FLT3: variants seen among roughly 807,000 people sequenced by gnomAD.
The protein encoded by FLT3 is fms related receptor tyrosine kinase 3.
In FLT3, 46 loss-of-function variants were observed where a neutral mutation model predicts 126.6. That is an observed-to-expected ratio of 0.36 (90% CI 0.29 to 0.46). The LOEUF is 0.46. Ranked by LOEUF, FLT3 falls within the 20% of genes least tolerant of loss-of-function variation. The pLI is 1.00. For synonymous variants in FLT3, 404 were observed against 434.4 expected, an observed-to-expected ratio of 0.93 and a Z score of 0.87; for missense variants, 1,069 against 1,190.3, an observed-to-expected ratio of 0.90 and a Z score of 1.50.
chr13:28,019,258 C>T (rs111410747), intron 19 of FLT3, among the ~76,000 whole-genome samples: 2,189 of 152,224 alleles, frequency 0.014, 51 homozygotes, highest in African/African-American at 0.05. Context: ...TGAGCCACCG[C>T]GCCTGGCCAG....
chr13:28,037,956 C>T (rs1404805916), intron 9 of FLT3, among the ~76,000 whole-genome samples: 1 of 152,178 alleles, frequency 6.6e-6, no homozygotes, highest in African/African-American at 2.4e-5. Context: ...GAAACCATCC[C>T]CCTACCCCCA....
At chr13:28,008,236 T>A (rs187183984) in intron 23 of FLT3, among the ~76,000 whole-genome samples, 4 of 140,278 alleles carry the variant, frequency 2.9e-5, no homozygotes, top group Non-Finnish European at 6.0e-5. Flanking sequence ...GATCGCTTGA[T>A]TCCAGGAATT....
chr13:28,014,228 C>T (rs1011297937), intron 23 of FLT3, among the ~76,000 whole-genome samples: 5 of 152,024 alleles, frequency 3.3e-5, no homozygotes, highest in African/African-American at 9.7e-5. Flanking sequence ...GCCATGATCA[C>T]GCCACACACT....
In FLT3 at chr13:28,049,657, A is replaced by G; in HGVS notation, c.860T>C (p.Leu287Ser). 1.9e-6 allele frequency: 3 copies of G among 1,614,150 alleles called. No individual in the cohort carries two copies. The highest frequency in any genetic ancestry group is 1.3e-5 in the African/African-American group (1 of 75,054). The change falls in exon 7 of 24, where the codon TTA becomes TCA. Residue 287 changes from leucine to serine, a missense_variant. Coordinates refer to ENST00000241453, the MANE Select transcript of FLT3 (RefSeq NM_004119.3). ...VNHGFGLTWE[L>S]ENKALEEGNY... ...TACCTCCTCGAGTGCTTTGTTTTCT[A>G]ATTCCCAGGTGAGCCCGAATCCATG... is the stretch of plus-strand genomic sequence containing the variant.
At chr13:28,018,760 A>G (rs558891231) in intron 19 of FLT3, among the ~76,000 whole-genome samples, 171 bp from the exon 20 acceptor site, 1 of 152,322 alleles carries the variant, frequency 6.6e-6, no homozygotes, top group Non-Finnish European at 1.5e-5. Context: ...AAGTGAATAT[A>G]GGAGACCTAA....
chr13:28,043,663 T>C (rs1204563860), intron 9 of FLT3, among the ~76,000 whole-genome samples: 1 of 152,240 alleles, frequency 6.6e-6, no homozygotes, highest in African/African-American at 2.4e-5. Flanking sequence ...AACTTATTAG[T>C]AAATTTGAAA....
chr13:28,011,419 G>A (rs182422026), intron 23 of FLT3, among the ~76,000 whole-genome samples: 18 of 152,074 alleles, frequency 1.2e-4, no homozygotes, highest in Admixed American at 3.3e-4. Context: ...CCCTGGGGAA[G>A]GTGACAAGGC....
Position 28,036,016 on chromosome 13 carries a change from G to C in FLT3, c.1337C>G (p.Ser446Trp). ...RRKPQVLAEA[S>W]ASQASCFSDG... is the part of the protein sequence containing the mutation. The stretch of plus-strand genomic sequence containing the variant: ...CGAGAAACAGGACGCCTGACTTGCC[G>C]ATGCTTCTGCGAGCACTTGAGGTTT... The change falls in exon 11 of 24, where the codon TCG becomes TGG. Residue 446 changes from serine (S) to tryptophan (W), a missense_variant. Coordinates refer to ENST00000241453, the MANE Select transcript of FLT3 (RefSeq NM_004119.3). The C allele has an allele frequency of 6.2e-7, 1 of 1,614,012 alleles. No homozygotes were observed. The highest frequency in any genetic ancestry group is 8.5e-7 in the Non-Finnish European group (1 of 1,179,968).
chr13:28,086,454 T>A (rs191832386), intron 1 of FLT3, among the ~76,000 whole-genome samples: 33 of 152,278 alleles, frequency 2.2e-4, no homozygotes, highest in South Asian at 6.2e-4. Flanking sequence ...CACAAGACAT[T>A]ATTATTATTA....
At position 28,037,081 on chromosome 13, in the gene FLT3, T is replaced by G. The variant is rs184379906; in HGVS notation, c.1309+104A>C. On this transcript the variant is annotated intron_variant, in intron 10 of 23. Transcript: ENST00000241453. ...AACACTTCAGCGTACAAAAACAGTT[T>G]TGTAGTAGCCCTTCTAAGCCATTAC... The G allele has an allele frequency of 2.9e-3, 1,985 of 685,992 alleles. 30 individuals are homozygous for G. The African/African-American group carries it at 0.031, about 11-fold the overall frequency. 42.5% of individuals were successfully genotyped at this position (685,992 alleles called of 1,614,324 possible).
intron 3 of FLT3, among the ~76,000 whole-genome samples, chr13:28,057,769 G>A (rs1876139580): frequency 6.6e-6 from 1 of 152,318 alleles, no homozygotes; most frequent in African/African-American, 2.4e-5. Context: ...GCCGGGTGCG[G>A]TGGCTCATAC....
Position 28,049,745 on chromosome 13 carries a change from G to A in FLT3, c.772C>T (p.Pro258Ser), listed in dbSNP as rs2137729269. The A allele has an allele frequency of 6.2e-7, 1 of 1,613,988 alleles. No homozygotes were observed. The highest frequency in any genetic ancestry group is 8.5e-7 in the Non-Finnish European group (1 of 1,179,960). ...TCCCCTACTTTAAGAAATAATTGTGGCAATGTGGTCTGAGGAGTTTGATTT... is the reference window on the plus strand; with the variant it reads ...TCCCCTACTTTAAGAAATAATTGTGACAATGTGGTCTGAGGAGTTTGATTT... ...DLNQTPQTTL[P>S]QLFLKVGEPL... The change falls in exon 7 of 24, where the codon CCA becomes TCA. Residue 258 changes from proline (P) to serine (S), a missense_variant. By Grantham distance (74) the Pro-to-Ser change is moderately conservative (BLOSUM62 -1). Transcript: ENST00000241453.
intron 2 of FLT3, among the ~76,000 whole-genome samples, chr13:28,064,709 C>T (rs1485222103): frequency 1.3e-5 from 2 of 152,142 alleles, no homozygotes; most frequent in African/African-American, 2.4e-5. Flanking sequence ...AAAAATATGA[C>T]AACACATTTT....
At chr13:28,049,343 C>T (rs757663838) in intron 8 of FLT3, 41 bp downstream of exon 8, 3 of 1,579,218 alleles carry the variant, frequency 1.9e-6, no homozygotes, top group South Asian at 1.1e-5. Flanking sequence ...ACTACAGCGA[C>T]TAAAAATAGG....
chr13:28,091,207 CTTTTTTTTTTTT>C (rs572410744), intron 1 of FLT3, among the ~76,000 whole-genome samples: 583 of 36,568 alleles, frequency 0.016, 8 homozygotes, highest in African/African-American at 0.062. Flanking sequence ...GCCCCATTTT[CTTTTTTTTTTTT>C]TTTTTTTTTT....
At chr13:28,094,181 C>T (rs1336016225) in intron 1 of FLT3, among the ~76,000 whole-genome samples, 13 of 152,094 alleles carry the variant, frequency 8.5e-5, no homozygotes, top group African/African-American at 1.2e-4. Context: ...GTTTTTAGTC[C>T]TAATATATCT....
At chr13:28,099,236 C>G (rs893468644) in intron 1 of FLT3, among the ~76,000 whole-genome samples, 1 of 152,114 alleles carries the variant, frequency 6.6e-6, no homozygotes, top group Non-Finnish European at 1.5e-5. Flanking sequence ...GAAAAATGCA[C>G]TTACTACTTA....
Position 28,050,097 on chromosome 13 carries a change from A to G in FLT3, c.740T>C (p.Ile247Thr). The G allele has an allele frequency of 6.2e-7, 1 of 1,614,076 alleles. No homozygotes were observed. The highest frequency in any genetic ancestry group is 8.5e-7 in the Non-Finnish European group (1 of 1,179,952). The change falls in exon 6 of 24, where the codon ATA becomes ACA. Residue 247 changes from isoleucine to threonine, a missense_variant and splice_region_variant. Coordinates refer to ENST00000241453, the MANE Select transcript of FLT3 (RefSeq NM_004119.3). ...AGTGCATGATATTATAGTGTTACCT[A>G]TTGTGAACAGCCTGGTGCATTCCCT... ...LGRECTRLFT[I>T]DLNQTPQTTL...
chr13:28,069,377 A>C (rs1010983477), intron 2 of FLT3, among the ~76,000 whole-genome samples: 4 of 152,226 alleles, frequency 2.6e-5, no homozygotes, highest in African/African-American at 9.6e-5. Context: ...CTGAGCTTTC[A>C]AGCCTGGGAA....
Sources: allele counts gnomAD v4.1 joint callset (sites outside exome capture counted in the v4.1 genomes callset), GRCh38; gene constraint gnomAD v4.1.1; transcripts MANE v1.5; gene names NCBI Gene and HGNC (gene_info 2026-07-23, HGNC 2026-07-21).